The following SVEP1 variants were observed in gnomAD, a reference collection of about 807,000 sequenced individuals.
SVEP1 encodes sushi, von Willebrand factor type A, EGF and pentraxin domain-containing protein 1.
In SVEP1, 164 loss-of-function variants were observed where a neutral mutation model predicts 367.3. The observed-to-expected ratio is 0.45, with a 90% confidence interval of 0.39 to 0.51. SVEP1 has a LOEUF of 0.51. Ranked by LOEUF, SVEP1 falls within the 20% of genes least tolerant of loss-of-function variation. SVEP1 has a pLI of 0.00. For synonymous variants in SVEP1, 1,666 were observed against 1,611.6 expected, an observed-to-expected ratio of 1.03 and a Z score of -0.81; for missense variants, 4,117 against 4,425.3, an observed-to-expected ratio of 0.93 and a Z score of 1.98.
intron 38 of SVEP1, 47 bp from the exon 39 acceptor site, chr9:110,404,599 AG>A: frequency 6.5e-7 from 1 of 1,548,116 alleles, no homozygotes; most frequent in South Asian, 1.1e-5. Context: ...AGTACAATAT[AG>A]TTTCTGATCT....
intron 3 of SVEP1, among the ~76,000 whole-genome samples, chr9:110,514,670 C>T (rs550032758): frequency 6.6e-6 from 1 of 152,108 alleles, no homozygotes; most frequent in African/African-American, 2.4e-5. Flanking sequence ...AAATACAACA[C>T]AACACAGCAT....
chr9:110,494,355 T>C (rs1046162824), intron 8 of SVEP1, among the ~76,000 whole-genome samples: 1 of 152,204 alleles, frequency 6.6e-6, no homozygotes, highest in Non-Finnish European at 1.5e-5. Flanking sequence ...GAAAAAGCTT[T>C]GAAGTGGATA....
chr9:110,519,504 G>A (rs952623340), intron 3 of SVEP1, among the ~76,000 whole-genome samples: 5 of 151,928 alleles, frequency 3.3e-5, no homozygotes, highest in South Asian at 2.1e-4. Flanking sequence ...TTGCCTTCTC[G>A]CGGAACCCAC....
intron 27 of SVEP1, among the ~76,000 whole-genome samples, chr9:110,438,496 C>T (rs555582407): frequency 1.4e-4 from 22 of 152,116 alleles, no homozygotes; most frequent in African/African-American, 4.3e-4. Context: ...TGAGCTACCA[C>T]GCCTGGTCTA....
chr9:110,452,182 AC>A (rs1226182725), intron 22 of SVEP1, among the ~76,000 whole-genome samples: 1 of 152,074 alleles, frequency 6.6e-6, no homozygotes, highest in Non-Finnish European at 1.5e-5. Flanking sequence ...AGTAAATCTA[AC>A]ATAAAATCTA....
intron 1 of SVEP1, among the ~76,000 whole-genome samples, chr9:110,554,722 A>ATGTGTG (rs762452858): frequency 8.5e-4 from 103 of 121,578 alleles, no homozygotes; most frequent in African/African-American, 2.8e-3. Flanking sequence ...GTATGTATAG[A>ATGTGTG]TGTGCGTGTG....
At chr9:110,452,992 A>T (rs887403234) in intron 22 of SVEP1, among the ~76,000 whole-genome samples, 2 of 152,186 alleles carry the variant, frequency 1.3e-5, no homozygotes, top group African/African-American at 4.8e-5. Flanking sequence ...TGTTGCATGG[A>T]TGTGAAATAG....
rs919501534 is a variant in SVEP1, at chr9:110,480,868, C to T, written c.2365+374G>A. ...AACTCTTGGGCTCAAGTGATCCACC[C>T]GCCTCAGCCTTCCAAAATGCTGGGA... On this transcript the variant is annotated intron_variant, in intron 12 of 47. Coordinates refer to ENST00000374469, the MANE Select transcript of SVEP1 (RefSeq NM_153366.4). Among the ~76,000 whole-genome samples the T allele has an allele frequency of 3.9e-5, 6 of 151,936 alleles. No individual in the cohort carries two copies. The South Asian group carries it at 8.3e-4, about 21-fold the overall frequency.
intron 18 of SVEP1, among the ~76,000 whole-genome samples, chr9:110,460,914 T>G (rs1828848758): frequency 6.6e-6 from 1 of 152,208 alleles, no homozygotes; most frequent in African/African-American, 2.4e-5. Context: ...GCTTGTGAAT[T>G]ACGTAAAAAT....
At chr9:110,491,657 C>T (rs967764188) in intron 8 of SVEP1, among the ~76,000 whole-genome samples, 18 of 149,738 alleles carry the variant, frequency 1.2e-4, no homozygotes, top group African/African-American at 4.4e-4. Flanking sequence ...AGTTATTTTG[C>T]TCCAGGAAAT....
At chr9:110,369,002 T>C (rs1191483980) in intron 47 of SVEP1, among the ~76,000 whole-genome samples, 1 of 152,208 alleles carries the variant, frequency 6.6e-6, no homozygotes, top group Non-Finnish European at 1.5e-5. Context: ...ACTGAATTTT[T>C]CCCACTTTAA....
At chr9:110,568,508 T>C (rs966882086) in intron 1 of SVEP1, among the ~76,000 whole-genome samples, 3 of 152,180 alleles carry the variant, frequency 2.0e-5, no homozygotes, top group Admixed American at 6.5e-5. Context: ...GGAAATATGA[T>C]GCCAGTTTCT....
chr9:110,447,120 A>G, intron 24 of SVEP1, 63 bp from the exon 25 acceptor site: 1 of 1,300,684 alleles, frequency 7.7e-7, no homozygotes, highest in Middle Eastern at 2.1e-4. Context: ...ATTTATGATA[A>G]TCTTATCTCG....
rs947604249 is a variant in SVEP1, at chr9:110,502,654, C to T, written c.1483+384G>A. On this transcript the variant is annotated intron_variant, in intron 6 of 47. Coordinates refer to ENST00000374469, the MANE Select transcript of SVEP1 (RefSeq NM_153366.4). ...TAATAATAAAGCAATTTTTAAGATTCACTGGTTCCTAATTTTGTCCTTCCA... is the reference window on the plus strand; with the variant it reads ...TAATAATAAAGCAATTTTTAAGATTTACTGGTTCCTAATTTTGTCCTTCCA... 2.0e-5 allele frequency among the ~76,000 whole-genome samples: 3 copies of T among 151,996 alleles called. No homozygotes were observed. In the South Asian group the frequency reaches 6.2e-4, roughly 32 times the overall value.
intron 3 of SVEP1, among the ~76,000 whole-genome samples, chr9:110,537,595 A>T (rs773762037): frequency 4.6e-5 from 7 of 151,970 alleles, no homozygotes; most frequent in Non-Finnish European, 1.0e-4. Flanking sequence ...ATGTAGTGGA[A>T]GTAGAATAGA....
At chr9:110,573,386 A>G (rs901893104) in intron 1 of SVEP1, among the ~76,000 whole-genome samples, 1 of 138,756 alleles carries the variant, frequency 7.2e-6, no homozygotes, top group African/African-American at 2.5e-5. Flanking sequence ...CTCCAGGTAA[A>G]GGTGTGAATA....
chr9:110,542,170 G>C (rs531843745), intron 3 of SVEP1, among the ~76,000 whole-genome samples: 2 of 152,074 alleles, frequency 1.3e-5, no homozygotes, highest in African/African-American at 4.8e-5. Context: ...ATGTATATAA[G>C]ATGTTATTTT....
At chr9:110,500,577 GT>G (rs1164749955) in intron 6 of SVEP1, among the ~76,000 whole-genome samples, 1 of 152,000 alleles carries the variant, frequency 6.6e-6, no homozygotes, top group Non-Finnish European at 1.5e-5. Context: ...GGTTGTAATG[GT>G]TTTATCTTTT....
At chr9:110,468,677 T>C (rs904147684) in intron 17 of SVEP1, among the ~76,000 whole-genome samples, 1 of 152,212 alleles carries the variant, frequency 6.6e-6, no homozygotes, top group Non-Finnish European at 1.5e-5. Flanking sequence ...TCCCAATAGG[T>C]CATTCTACTC....
Sources: gnomAD v4.1 joint callset for allele counts (sites outside exome capture counted in the v4.1 genomes callset) on GRCh38, gnomAD v4.1.1 for gene constraint, MANE v1.5 for transcripts, NCBI Gene and HGNC (gene_info 2026-07-23, HGNC 2026-07-21) for gene names.